The following ITPR2 variants were observed in gnomAD, a reference collection of about 807,000 sequenced individuals.
The protein encoded by ITPR2 is inositol 1,4,5-trisphosphate receptor type 2, also known as inositol 1,4,5-trisphosphate-gated calcium channel ITPR2.
In ITPR2, 207 loss-of-function variants were observed where a neutral mutation model predicts 317.1. The observed-to-expected ratio is 0.65, with a 90% confidence interval of 0.58 to 0.73. The LOEUF is 0.73. Among genes scored for constraint, ITPR2 ranks in the 30% least tolerant of loss-of-function variants. ITPR2 has a pLI of 0.00. For missense variants in ITPR2, 2,613 were observed against 3,284.0 expected, an observed-to-expected ratio of 0.80 and a Z score of 4.99; for synonymous variants, 1,156 against 1,149.1, an observed-to-expected ratio of 1.01 and a Z score of -0.12.
At chr12:26,483,978 C>CT in intron 41 of ITPR2, 80 bp from the exon 42 acceptor site, 1 of 1,153,642 alleles carries the variant, frequency 8.7e-7, no homozygotes, top group Non-Finnish European at 1.3e-6. Context: ...CATATGTGTG[C>CT]TTTTCTAACT....
At chr12:26,517,909 C>A (rs1446539846) in intron 37 of ITPR2, among the ~76,000 whole-genome samples, 2 of 152,154 alleles carry the variant, frequency 1.3e-5, no homozygotes, top group African/African-American at 4.8e-5. Flanking sequence ...AGAACACTTA[C>A]ATACTGCTGG....
intron 11 of ITPR2, 134 bp from the exon 12 acceptor site, chr12:26,682,807 T>C: frequency 1.7e-6 from 1 of 603,790 alleles, no homozygotes; most frequent in East Asian, 2.9e-5. Context: ...TCCCTCTGCT[T>C]TAAGGGGAAA....
chr12:26,656,984 G>A (rs1461691853), intron 18 of ITPR2, among the ~76,000 whole-genome samples: 1 of 152,118 alleles, frequency 6.6e-6, no homozygotes, highest in Non-Finnish European at 1.5e-5. Context: ...CAGTCCAAAT[G>A]GCATGAGTCA....
intron 11 of ITPR2, 89 bp downstream of exon 11, chr12:26,686,392 C>T: frequency 4.9e-6 from 4 of 820,538 alleles, no homozygotes; most frequent in Non-Finnish European, 7.0e-6. Flanking sequence ...CCCTTGATAT[C>T]ATAAAAATAT....
intron 13 of ITPR2, among the ~76,000 whole-genome samples, chr12:26,676,196 G>A (rs934387159): frequency 6.7e-6 from 1 of 149,168 alleles, no homozygotes; most frequent in South Asian, 2.1e-4. Context: ...GTAAATTCTG[G>A]CTGGGCATGG....
In ITPR2 at chr12:26,761,190, G is replaced by A. The variant is rs187372796; in HGVS notation, c.163+28967C>T. 3.7e-3 allele frequency among the ~76,000 whole-genome samples: 564 copies of A among 152,304 alleles called. 4 individuals are homozygous for A. The highest frequency in any genetic ancestry group is 3.3e-3 in the Non-Finnish European group (223 of 68,022). Reference sequence around the variant, plus strand: ...CAAGCACCAGACTCATATACCTACTGACCCAGGCACCAGGCCAGCCTGCTC... The same window carrying A: ...CAAGCACCAGACTCATATACCTACTAACCCAGGCACCAGGCCAGCCTGCTC... On this transcript the variant is annotated intron_variant, in intron 2 of 56. Coordinates refer to ENST00000381340, the MANE Select transcript of ITPR2 (RefSeq NM_002223.4).
intron 21 of ITPR2, among the ~76,000 whole-genome samples, chr12:26,641,988 A>C (rs1255215449): frequency 1.3e-5 from 2 of 152,228 alleles, no homozygotes; most frequent in Non-Finnish European, 2.9e-5. Context: ...ATTAAGCCAG[A>C]AAGGGCTTAG....
chr12:26,439,075 A>C, intron 47 of ITPR2, 52 bp downstream of exon 47: 1 of 1,175,904 alleles, frequency 8.5e-7, no homozygotes, highest in Non-Finnish European at 1.2e-6. Context: ...CCAAAGTACC[A>C]AATTATCTAC....
In ITPR2 at chr12:26,387,702, AAG is replaced by A. The variant is rs1380708383; in HGVS notation, c.7697-110_7697-109del. On this transcript the variant is annotated intron_variant, in intron 54 of 56. Coordinates refer to ENST00000381340, the MANE Select transcript of ITPR2 (RefSeq NM_002223.4). ...TTATTGTGAAAAAAATGCTTTCAGT[AAG>A]AGTGTGCCAATTTAAAATGCTATGA... 5 of 997,566 alleles carry A rather than the reference AAG, an allele frequency of 5.0e-6. No homozygotes were observed. The East Asian group carries it at 1.3e-4, about 26-fold the overall frequency. 61.8% of individuals were successfully genotyped at this position (997,566 alleles called of 1,614,324 possible).
chr12:26,429,326 T>C (rs1941146691), intron 48 of ITPR2, among the ~76,000 whole-genome samples: 1 of 152,176 alleles, frequency 6.6e-6, no homozygotes, highest in Non-Finnish European at 1.5e-5. Flanking sequence ...GGAAGACAGA[T>C]GTGATATTCT....
intron 55 of ITPR2, among the ~76,000 whole-genome samples, chr12:26,378,247 G>A (rs1326403920): frequency 3.9e-5 from 6 of 151,962 alleles, no homozygotes; most frequent in South Asian, 2.1e-4. Flanking sequence ...AGGAAGTAAC[G>A]GGAATGGGGA....
At chr12:26,565,277 T>A (rs1944920335) in intron 34 of ITPR2, among the ~76,000 whole-genome samples, 1 of 152,136 alleles carries the variant, frequency 6.6e-6, no homozygotes, top group African/African-American at 2.4e-5. Context: ...TGAAAAAAGA[T>A]CCATCAGCTA....
rs556906882 is a variant in ITPR2 at position 26,353,781 on chromosome 12, G to A, written c.7858-13453C>T. On this transcript the variant is annotated intron_variant, in intron 55 of 56. Transcript: ENST00000381340. ...TATGATCATTATATTTATTTTCACTGTAGATGACTTATTAGAGGGAGAATT... is the reference window on the plus strand; with the variant it reads ...TATGATCATTATATTTATTTTCACTATAGATGACTTATTAGAGGGAGAATT... Among the ~76,000 whole-genome samples, 6 of 152,154 alleles carry A rather than the reference G, an allele frequency of 3.9e-5. No individual in the cohort carries two copies. The East Asian group carries it at 1.2e-3, about 29-fold the overall frequency.
In ITPR2 at chr12:26,427,910, T is replaced by G. The variant is rs764044558; in HGVS notation, c.6945+3A>C. On this transcript the variant is annotated splice_donor_region_variant and intron_variant, in intron 49 of 56. Coordinates refer to ENST00000381340, the MANE Select transcript of ITPR2 (RefSeq NM_002223.4). ...ACAGTACAAAGCTAAGTAAAGTACT[T>G]ACATTAGCTGCACCAAGAAGTATTA... The G allele has an allele frequency of 6.4e-7, 1 of 1,556,126 alleles. No homozygotes were observed.
At chr12:26,601,394 T>G (rs913663878) in intron 28 of ITPR2, among the ~76,000 whole-genome samples, 7 of 152,024 alleles carry the variant, frequency 4.6e-5, no homozygotes, top group African/African-American at 1.7e-4. Flanking sequence ...TCCCACCAAA[T>G]GGAAATGGGG....
intron 10 of ITPR2, among the ~76,000 whole-genome samples, chr12:26,687,427 G>A (rs1233543639): frequency 6.6e-6 from 1 of 152,128 alleles, no homozygotes; most frequent in Non-Finnish European, 1.5e-5. Context: ...AATGAGAGTG[G>A]AAGAAAGACA....
intron 2 of ITPR2, among the ~76,000 whole-genome samples, chr12:26,733,700 C>T (rs1293295709): frequency 6.6e-6 from 1 of 152,086 alleles, no homozygotes; most frequent in Non-Finnish European, 1.5e-5. Context: ...TGCATTAATG[C>T]TAATTTGTAT....
intron 32 of ITPR2, among the ~76,000 whole-genome samples, chr12:26,589,749 T>C (rs922531377): frequency 1.4e-5 from 2 of 142,580 alleles, no homozygotes; most frequent in African/African-American, 5.2e-5. Context: ...ATCGCCCCAC[T>C]GCACTCCAGC....
chr12:26,727,472 T>G (rs1272841229), intron 2 of ITPR2, among the ~76,000 whole-genome samples: 1 of 152,238 alleles, frequency 6.6e-6, no homozygotes, highest in Admixed American at 6.5e-5. Flanking sequence ...AGATTCCTAA[T>G]TAAGGTCAAT....
Sources: gnomAD v4.1 joint callset for allele counts (sites outside exome capture counted in the v4.1 genomes callset) on GRCh38, gnomAD v4.1.1 for gene constraint, MANE v1.5 for transcripts, NCBI Gene and HGNC (gene_info 2026-07-23, HGNC 2026-07-21) for gene names.